The following VPS45 variants were observed in gnomAD, a reference collection of about 807,000 sequenced individuals.
The protein encoded by VPS45 is vacuolar protein sorting-associated protein 45.
VPS45 carries 35 observed loss-of-function variants against 75.9 expected under a neutral mutation model. The observed-to-expected ratio is 0.46, with a 90% CI of 0.35 to 0.61. The LOEUF is 0.61. Among genes scored for constraint, VPS45 ranks in the 20% least tolerant of loss-of-function variants. VPS45 has a pLI of 0.00. For synonymous variants in VPS45, 220 were observed against 238.2 expected (o/e 0.92, Z 0.70); for missense variants, 559 against 685.9 (o/e 0.81, Z 2.07).
intron 13 of VPS45, among the ~76,000 whole-genome samples, chr1:150,101,964 C>A (rs75125100): frequency 1.3e-5 from 2 of 151,532 alleles, no homozygotes; most frequent in African/African-American, 4.9e-5. Flanking sequence ...CAGCTGGACA[C>A]GGTGGCTCAC....
chr1:150,105,693 AT>A (rs1237775506), intron 13 of VPS45, among the ~76,000 whole-genome samples: 1 of 152,196 alleles, frequency 6.6e-6, no homozygotes, highest in African/African-American at 2.4e-5. Context: ...ACCCAATGCA[AT>A]CTACAGATTC....
chr1:150,068,062 G>T, intron 1 of VPS45, 112 bp downstream of exon 1: 1 of 1,148,030 alleles, frequency 8.7e-7, no homozygotes, highest in South Asian at 1.5e-5. Flanking sequence ...AATGAGGGTC[G>T]GTTTGTGTGG....
chr1:150,091,472 A>G (rs1262560824), intron 10 of VPS45, among the ~76,000 whole-genome samples: 2 of 152,208 alleles, frequency 1.3e-5, no homozygotes, highest in African/African-American at 4.8e-5. Context: ...AACCATGTTG[A>G]GACATGTTCT....
intron 3 of VPS45, among the ~76,000 whole-genome samples, chr1:150,075,205 G>A (rs1655310449): frequency 6.9e-6 from 1 of 144,154 alleles, no homozygotes; most frequent in Admixed American, 7.1e-5. Context: ...CATTGCTGTT[G>A]GTTGATATGT....
At position 150,077,697 on chromosome 1, in the gene VPS45, T is replaced by G; in HGVS notation, c.605T>G (p.Phe202Cys). The G allele has an allele frequency of 6.2e-7, 1 of 1,614,076 alleles. No individual in the cohort carries two copies. ...GTGATAACTAAAGAATATGAACTGT[T>G]TGAATTCCGTCGGACAGAGGTTCCT... ...KQVITKEYEL[F>C]EFRRTEVPPL... is the part of the protein sequence containing the mutation. The change falls in exon 7 of 15, where the codon TTT (phenylalanine) becomes TGT (cysteine). Residue 202 changes from phenylalanine to cysteine, a missense_variant. Physicochemically the swap from Phe to Cys is radical, Grantham distance 205 (BLOSUM62 -2). Coordinates refer to ENST00000644510, the MANE Select transcript of VPS45 (RefSeq NM_007259.5).
At chr1:150,097,677 CCATT>C (rs1656748426) in intron 13 of VPS45, among the ~76,000 whole-genome samples, 1 of 151,746 alleles carries the variant, frequency 6.6e-6, no homozygotes, top group Admixed American at 6.6e-5. Context: ...CGAGATTATG[CCATT>C]ACACACCAGC....
chr1:150,110,578 C>G lies in VPS45; in HGVS notation c.1576C>G (p.Pro526Ala). 1 of 1,613,790 alleles carries G rather than the reference C, an allele frequency of 6.2e-7. No homozygotes were observed. Among genetic ancestry groups the G allele is most frequent in the Non-Finnish European group, 8.5e-7 (1 of 1,179,820 alleles). The stretch of plus-strand genomic sequence containing the variant: ...AGTTTATAACCTGAACCGCACCACT[C>G]CTGGAGTGAGGATTGTCCTGGGAGG... ...LTVYNLNRTT[P>A]GVRIVLGGTT... Residue 526 changes from proline (P) to alanine (A), a missense_variant, in exon 14 of 15, where the codon CCT (proline) becomes GCT (alanine). Coordinates refer to ENST00000644510, the MANE Select transcript of VPS45 (RefSeq NM_007259.5).
rs1228426558 is a variant in VPS45 at position 150,076,176 on chromosome 1, A to T, written c.290-57A>T. 3 of 1,405,164 alleles carry T rather than the reference A, an allele frequency of 2.1e-6. No homozygotes were observed. In the African/African-American group the frequency reaches 4.3e-5, roughly 20 times the overall value. The allele number at this position is 1,405,164 out of a possible 1,614,324, so 87.0% of individuals were successfully genotyped here. A position where few individuals can be genotyped will look rare whatever the true frequency, so the allele number is the denominator to read the frequency against. ...TAGGCTTTAACTATCAGGCCCTTTTACATATATTGCAGCAGAAATTATCTC... is the reference window on the plus strand; with the variant it reads ...TAGGCTTTAACTATCAGGCCCTTTTTCATATATTGCAGCAGAAATTATCTC... On this transcript the variant is annotated intron_variant, in intron 3 of 14. Transcript: ENST00000644510.
At chr1:150,136,537 G>A (rs889341084) in intron 14 of VPS45, among the ~76,000 whole-genome samples, 1 of 151,774 alleles carries the variant, frequency 6.6e-6, no homozygotes, top group African/African-American at 2.4e-5. Flanking sequence ...CCTGGACAAC[G>A]AGAGCGAAAC....
At chr1:150,068,363 G>GA in intron 1 of VPS45, 2 of 380,450 alleles carry the variant, frequency 5.3e-6, no homozygotes, top group Admixed American at 8.6e-5. Context: ...TAAGGTGATA[G>GA]AAAAAAATAT....
At chr1:150,129,330 G>A (rs1286423345) in intron 14 of VPS45, among the ~76,000 whole-genome samples, 2 of 151,952 alleles carry the variant, frequency 1.3e-5, no homozygotes, top group African/African-American at 2.4e-5. Flanking sequence ...GCACTGTAAC[G>A]TATATTTTTT....
intron 10 of VPS45, among the ~76,000 whole-genome samples, chr1:150,090,262 C>T (rs1002728907): frequency 2.6e-5 from 4 of 152,202 alleles, no homozygotes; most frequent in Non-Finnish European, 5.9e-5. Context: ...CCAATACTTA[C>T]TGATTCTTCA....
chr1:150,103,392 A>C (rs1473845253), intron 13 of VPS45, among the ~76,000 whole-genome samples: 7 of 152,206 alleles, frequency 4.6e-5, no homozygotes, highest in Non-Finnish European at 8.8e-5. Flanking sequence ...TTCTTCCTTA[A>C]GTCAGCTTGA....
chr1:150,124,552 C>CTTT (rs1415553849), intron 14 of VPS45, among the ~76,000 whole-genome samples: 20,289 of 140,138 alleles, frequency 0.14, 2,785 homozygotes, highest in Non-Finnish European at 0.23. Context: ...TTTCTTTTTT[C>CTTT]TTTTTTTTTT....
intron 14 of VPS45, among the ~76,000 whole-genome samples, chr1:150,141,322 A>G (rs1388825921): frequency 6.6e-6 from 1 of 152,186 alleles, no homozygotes; most frequent in African/African-American, 2.4e-5. Context: ...TCTTTGGTAT[A>G]AGAAATTCAC....
chr1:150,140,354 G>A lies in VPS45; in HGVS notation c.1626-4355G>A, dbSNP rs185716194. 2.5e-3 allele frequency among the ~76,000 whole-genome samples: 379 copies of A among 151,168 alleles called. 3 individuals are homozygous for A. Among genetic ancestry groups the A allele is most frequent in the African/African-American group, 9.0e-3 (367 of 40,906 alleles). On this transcript the variant is annotated intron_variant, in intron 14 of 14. Coordinates refer to ENST00000644510, the MANE Select transcript of VPS45 (RefSeq NM_007259.5). ...TAAGAAGACAAACTGAAGCCAGATT[G>A]CCTGGGATTATATCCCAATTCCATC...
At chr1:150,088,891 A>C (rs1656170309) in intron 10 of VPS45, among the ~76,000 whole-genome samples, 1 of 152,180 alleles carries the variant, frequency 6.6e-6, no homozygotes, top group Admixed American at 6.5e-5. Context: ...ATAGCTCTTC[A>C]ACATACTGAT....
chr1:150,107,188 T>C (rs1208477277), intron 13 of VPS45, among the ~76,000 whole-genome samples: 2 of 152,220 alleles, frequency 1.3e-5, no homozygotes, highest in Non-Finnish European at 2.9e-5. Context: ...TTCCCATGGC[T>C]TCAGCTACCA....
chr1:150,097,156 C>T (rs1481552680), intron 13 of VPS45, among the ~76,000 whole-genome samples: 123 of 148,996 alleles, frequency 8.3e-4, no homozygotes, highest in Admixed American at 1.3e-3. Flanking sequence ...GGTGCCATCT[C>T]GGCTCACTGC....
Sources: gnomAD v4.1 joint callset for allele counts (sites outside exome capture counted in the v4.1 genomes callset) on GRCh38, gnomAD v4.1.1 for gene constraint, MANE v1.5 for transcripts, NCBI Gene and HGNC (gene_info 2026-07-23, HGNC 2026-07-21) for gene names.